Variants in CCDC191 observed in about 807,000 individuals in gnomAD.
The protein encoded by CCDC191 is coiled-coil domain-containing protein 191.
A neutral mutation model predicts 114.0 loss-of-function variants in CCDC191; 99 were observed. That is an observed-to-expected ratio of 0.87 (90% CI 0.74 to 1.03). The LOEUF (loss-of-function observed/expected upper bound fraction) is 1.03, where lower values mean the gene tolerates loss of function less well. Among genes scored for constraint, CCDC191 ranks in the 50% least tolerant of loss-of-function variants. The pLI, the probability that CCDC191 is intolerant of heterozygous loss-of-function variation, is 0.00. For missense variants in CCDC191, 973 were observed against 1,087.0 expected (o/e 0.90, Z 1.47); for synonymous variants, 351 against 376.0 (o/e 0.93, Z 0.77).
chr3:114,011,049 TAAAG>T (rs1559907634), intron 8 of CCDC191, 28 bp from the exon 9 acceptor site: 1 of 1,584,232 alleles, frequency 6.3e-7, no homozygotes, highest in Admixed American at 1.8e-5. Context: ...TCCATTAAAA[TAAAG>T]AAGCCATTTA....
chr3:114,052,911 G>A (rs569259782), intron 2 of CCDC191, among the ~76,000 whole-genome samples: 2 of 152,246 alleles, frequency 1.3e-5, no homozygotes, highest in Admixed American at 6.5e-5. Context: ...TGTGGTACAC[G>A]ATGAATTGAA....
intron 4 of CCDC191, among the ~76,000 whole-genome samples, chr3:114,038,398 G>A (rs1288385549): frequency 1.3e-5 from 2 of 152,194 alleles, no homozygotes; most frequent in Non-Finnish European, 2.9e-5. Flanking sequence ...TCATCATAAT[G>A]TCAGAGCACA....
rs201505441 is a variant in CCDC191 at position 113,975,170 on chromosome 3, C to CTAA, written c.2606+3015_2606+3016insTTA. Among the ~76,000 whole-genome samples the CTAA allele has an allele frequency of 6.5e-3, 993 of 152,222 alleles. 8 individuals carry two copies. The highest frequency in any genetic ancestry group is 0.011 in the Admixed American group (162 of 15,298). ...GTGGTTAAGAACTATGGTAGCAAGA[C>CTAA]AATATCAGACATATTATAAATACTG... On this transcript the variant is annotated intron_variant, in intron 16 of 16. Coordinates refer to ENST00000295878, the MANE Select transcript of CCDC191 (RefSeq NM_020817.2).
At chr3:113,983,315 C>A (rs2075236706) in intron 13 of CCDC191, among the ~76,000 whole-genome samples, 1 of 152,132 alleles carries the variant, frequency 6.6e-6, no homozygotes, top group Non-Finnish European at 1.5e-5. Context: ...TCTACTCTAT[C>A]CAGACAATCT....
chr3:114,027,601 C>CAAAAAAAAAAAA (rs67548547), intron 7 of CCDC191, among the ~76,000 whole-genome samples: 2 of 60,136 alleles, frequency 3.3e-5, no homozygotes, highest in African/African-American at 6.9e-5. Flanking sequence ...GACTCTGTCT[C>CAAAAAAAAAAAA]AAAAAAAAAA....
At chr3:113,967,602 C>A (rs1940341009) in intron 16 of CCDC191, among the ~76,000 whole-genome samples, 1 of 152,008 alleles carries the variant, frequency 6.6e-6, no homozygotes, top group Non-Finnish European at 1.5e-5. Flanking sequence ...TTTGGGATAT[C>A]CATCACCTTA....
intron 13 of CCDC191, among the ~76,000 whole-genome samples, chr3:114,000,442 G>T (rs1347527502): frequency 6.6e-6 from 1 of 152,146 alleles, no homozygotes; most frequent in African/African-American, 2.4e-5. Flanking sequence ...GATGGCAGAT[G>T]GCAGATCATG....
At chr3:114,036,196 A>G (rs1330045337) in intron 5 of CCDC191, among the ~76,000 whole-genome samples, 3 of 152,130 alleles carry the variant, frequency 2.0e-5, no homozygotes, top group Admixed American at 2.0e-4. Flanking sequence ...AATTATAATA[A>G]AAAAATGAGT....
chr3:114,046,169 G>A (rs1043669741), intron 3 of CCDC191, among the ~76,000 whole-genome samples: 3 of 152,138 alleles, frequency 2.0e-5, no homozygotes, highest in African/African-American at 4.8e-5. Context: ...CATCAGTAAC[G>A]AAAATACCAA....
chr3:114,019,015 G>A (rs1406447716), intron 7 of CCDC191, 147 bp from the exon 8 acceptor site: 3 of 710,516 alleles, frequency 4.2e-6, no homozygotes, highest in Non-Finnish European at 7.0e-6. Flanking sequence ...AAGAGACAAA[G>A]CACAATTCCT....
Position 114,018,785 on chromosome 3 carries a change from G to A in CCDC191, c.1056C>T (p.Asp352=). 1 of 1,613,864 alleles carries A rather than the reference G, an allele frequency of 6.2e-7. No individual in the cohort carries two copies. The highest frequency in any genetic ancestry group is 8.5e-7 in the Non-Finnish European group (1 of 1,179,860). ...IKLGKAGTLS[D]WKIQLKVLRA... ...GCAGGACCTTCAGCTGAATCTTCCA[G>A]TCAGACAGGGTCCCAGCTTTCCCCA... The change falls in exon 8 of 17, where the codon GAC becomes GAT. Residue 352 remains aspartate, a synonymous_variant. Coordinates refer to ENST00000295878, the MANE Select transcript of CCDC191 (RefSeq NM_020817.2).
chr3:114,004,695 A>G lies in CCDC191; in HGVS notation c.1920T>C (p.Ser640=). 4 of 1,613,092 alleles carry G rather than the reference A, an allele frequency of 2.5e-6. No homozygotes were observed. Among genetic ancestry groups the G allele is most frequent in the Non-Finnish European group, 3.4e-6 (4 of 1,179,442 alleles). Residue 640 remains serine (S), a synonymous_variant, in exon 11 of 17, where the codon TCT becomes TCC. Coordinates refer to ENST00000295878, the MANE Select transcript of CCDC191 (RefSeq NM_020817.2). ...GTEGRSDSRN[S]LSGLRRKPKQ... ...TTGGTTTCCTTCTGAGTCCAGAAAGAGAATTTCGGGAGTCACTTCTGCCTT... is the reference window on the plus strand; with the variant it reads ...TTGGTTTCCTTCTGAGTCCAGAAAGGGAATTTCGGGAGTCACTTCTGCCTT...
Position 113,978,889 on chromosome 3 carries a change from A to G in CCDC191, c.2429T>C (p.Leu810Pro), listed in dbSNP as rs199616776. 2.8e-5 allele frequency: 45 copies of G among 1,614,052 alleles called. No homozygotes were observed. In the East Asian group the frequency reaches 9.1e-4, roughly 33 times the overall value. The change falls in exon 15 of 17, where the codon CTG becomes CCG. Residue 810 changes from leucine (L) to proline (P), a missense_variant. Transcript: ENST00000295878. ...AQADQFYSQI[L>P]LKRVIQSWLQ... ...CCAGCTCTGGATGACTCTCTTAAGC[A>G]GTATTTGGGAATAAAATTGATCAGC...
At chr3:113,969,272 T>C (rs1341782851) in intron 16 of CCDC191, among the ~76,000 whole-genome samples, 1 of 152,232 alleles carries the variant, frequency 6.6e-6, no homozygotes, top group African/African-American at 2.4e-5. Context: ...ACAGACAGTT[T>C]GCAAATACTC....
intron 8 of CCDC191, among the ~76,000 whole-genome samples, chr3:114,018,178 T>A (rs2076190934): frequency 6.6e-6 from 1 of 152,214 alleles, no homozygotes; most frequent in Admixed American, 6.5e-5. Context: ...AGACAGTGAT[T>A]TCTATGAATG....
Position 113,965,295 on chromosome 3 carries a change from C to T in CCDC191, c.2671G>A (p.Val891Ile). ...KFVKFMKEERVKEERRQQLRR... is the reference protein window; with the variant it reads ...KFVKFMKEERIKEERRQQLRR... The stretch of plus-strand genomic sequence containing the variant: ...AGTTGCTGTCGCCTTTCTTCTTTTA[C>T]TCTTTCCTCTTTCATAAATTTTACA... Residue 891 changes from valine to isoleucine, a missense_variant, in exon 17 of 17, where the codon GTA (valine) becomes ATA (isoleucine). Physicochemically the swap from Val to Ile is conservative, Grantham distance 29. Transcript: ENST00000295878. 1 of 1,611,732 alleles carries T rather than the reference C, an allele frequency of 6.2e-7. No homozygotes were observed. The highest frequency in any genetic ancestry group is 8.5e-7 in the Non-Finnish European group (1 of 1,178,968).
intron 13 of CCDC191, among the ~76,000 whole-genome samples, chr3:113,999,073 G>GAACC (rs1315880815): frequency 4.6e-5 from 7 of 152,162 alleles, no homozygotes; most frequent in Admixed American, 2.0e-4. Context: ...TTCTTCAGAA[G>GAACC]TCCGTACATG....
chr3:114,038,157 T>C lies in CCDC191; in HGVS notation c.416-1371A>G, dbSNP rs143843380. Among the ~76,000 whole-genome samples the C allele has an allele frequency of 7.9e-5, 12 of 152,344 alleles. No individual in the cohort carries two copies. The East Asian group carries it at 1.5e-3, about 20-fold the overall frequency. Reference sequence around the variant, plus strand: ...TTCAAATTTAAGCCATTTTAAGATATGTAGAGGTAACTCATTGTAGTTTTA... The same window carrying C: ...TTCAAATTTAAGCCATTTTAAGATACGTAGAGGTAACTCATTGTAGTTTTA... On this transcript the variant is annotated intron_variant, in intron 4 of 16. Coordinates refer to ENST00000295878, the MANE Select transcript of CCDC191 (RefSeq NM_020817.2).
chr3:114,037,894 T>G (rs892553891), intron 4 of CCDC191, among the ~76,000 whole-genome samples: 3 of 152,174 alleles, frequency 2.0e-5, no homozygotes, highest in Non-Finnish European at 4.4e-5. Context: ...TCCCAAATAT[T>G]TTTCATCCAT....
Sources: allele counts gnomAD v4.1 joint callset (sites outside exome capture counted in the v4.1 genomes callset), GRCh38; gene constraint gnomAD v4.1.1; transcripts MANE v1.5; gene names NCBI Gene and HGNC (gene_info 2026-07-23, HGNC 2026-07-21).